Variants in NEGR1 observed in about 807,000 individuals in gnomAD.
NEGR1 encodes the protein IgLON family member 4.
Under a neutral mutation model 40.9 loss-of-function variants are expected in NEGR1, and 10 were observed. That is an observed-to-expected ratio of 0.24 (90% CI 0.15 to 0.42). NEGR1 has a LOEUF of 0.42. NEGR1 is among the 10% of genes least tolerant of loss of function. The pLI, the probability that NEGR1 is intolerant of heterozygous loss-of-function variation, is 1.00. For synonymous variants in NEGR1, 185 were observed against 166.8 expected, an observed-to-expected ratio of 1.11 and a Z score of -0.84; for missense variants, 352 against 438.9, an observed-to-expected ratio of 0.80 and a Z score of 1.77.
Position 71,629,881 on chromosome 1 carries a change from T to C in NEGR1, c.668-18735A>G, listed in dbSNP as rs549314595. ...GGTCTTGCAATGCTCATGTCATACA[T>C]AACTGATAAGTGATAAATACATTTG... is the stretch of plus-strand genomic sequence containing the variant. On this transcript the variant is annotated intron_variant, in intron 4 of 6. Transcript: ENST00000357731. Among the ~76,000 whole-genome samples the C allele has an allele frequency of 4.6e-5, 7 of 152,110 alleles. No individual in the cohort carries two copies. The South Asian group carries it at 1.2e-3, about 27-fold the overall frequency.
chr1:72,076,568 A>G (rs111799811), intron 1 of NEGR1, among the ~76,000 whole-genome samples: 2,326 of 130,660 alleles, frequency 0.018, 59 homozygotes, highest in African/African-American at 0.062. Flanking sequence ...TGGTGATGCT[A>G]TTCTCCGGCT....
chr1:71,869,273 A>G (rs1216015134), intron 2 of NEGR1, among the ~76,000 whole-genome samples: 3 of 152,222 alleles, frequency 2.0e-5, no homozygotes, highest in Non-Finnish European at 4.4e-5. Context: ...AACTAATACA[A>G]GTCCTCAAAA....
At chr1:71,970,115 G>A (rs1646243123) in intron 1 of NEGR1, among the ~76,000 whole-genome samples, 1 of 152,170 alleles carries the variant, frequency 6.6e-6, no homozygotes, top group Non-Finnish European at 1.5e-5. Flanking sequence ...CCTAGCAGAA[G>A]TGGCAAGGTG....
At chr1:71,927,429 T>C (rs537204683) in intron 2 of NEGR1, among the ~76,000 whole-genome samples, 3 of 152,242 alleles carry the variant, frequency 2.0e-5, no homozygotes, top group Admixed American at 6.5e-5. Context: ...TCTGAATTTG[T>C]CTGTGAAGGT....
intron 1 of NEGR1, among the ~76,000 whole-genome samples, chr1:72,091,257 T>C (rs1434580761): frequency 6.6e-6 from 1 of 152,218 alleles, no homozygotes; most frequent in African/African-American, 2.4e-5. Context: ...ATGCACATTA[T>C]ATATCTACAA....
At chr1:71,707,038 CGAA>C (rs1172147014) in intron 3 of NEGR1, among the ~76,000 whole-genome samples, 4 of 152,092 alleles carry the variant, frequency 2.6e-5, no homozygotes, top group Admixed American at 1.3e-4. Flanking sequence ...GATGCCCATC[CGAA>C]GAAGGAGGAT....
intron 2 of NEGR1, among the ~76,000 whole-genome samples, chr1:71,867,633 ATAGAC>A (rs1487516189): frequency 1.3e-5 from 2 of 152,314 alleles, no homozygotes; most frequent in East Asian, 3.9e-4. Flanking sequence ...GTACTATGAA[ATAGAC>A]TCCTGACCAA....
chr1:71,455,994 T>C (rs1646669802), intron 6 of NEGR1, among the ~76,000 whole-genome samples: 1 of 152,184 alleles, frequency 6.6e-6, no homozygotes, highest in African/African-American at 2.4e-5. Context: ...TAACATGCAC[T>C]TTTTCAACAA....
chr1:71,916,799 T>C (rs1661598652), intron 2 of NEGR1, among the ~76,000 whole-genome samples: 1 of 152,082 alleles, frequency 6.6e-6, no homozygotes, highest in South Asian at 2.1e-4. Context: ...CAGAGATCTT[T>C]CAATTCCAAG....
chr1:71,739,363 G>A (rs1655141004), intron 3 of NEGR1, among the ~76,000 whole-genome samples: 1 of 151,854 alleles, frequency 6.6e-6, no homozygotes, highest in Admixed American at 6.6e-5. Flanking sequence ...TCCTCAGCTT[G>A]CAAATGGCCT....
At chr1:72,079,652 G>A (rs1173775728) in intron 1 of NEGR1, among the ~76,000 whole-genome samples, 1 of 151,992 alleles carries the variant, frequency 6.6e-6, no homozygotes, top group East Asian at 1.9e-4. Flanking sequence ...ATTTTTAAAT[G>A]ATCAAAACTT....
chr1:71,539,607 TATACG>T (rs1212285689), intron 6 of NEGR1, among the ~76,000 whole-genome samples: 1 of 151,724 alleles, frequency 6.6e-6, no homozygotes, highest in African/African-American at 2.4e-5. Flanking sequence ...ACAGTGTTCC[TATACG>T]TATCTCTGTA....
intron 2 of NEGR1, among the ~76,000 whole-genome samples, chr1:71,897,527 CT>C (rs779480359): frequency 6.6e-6 from 1 of 152,116 alleles, no homozygotes; most frequent in Non-Finnish European, 1.5e-5. Flanking sequence ...TTCCTCAGGG[CT>C]TGTGACAAAT....
intron 1 of NEGR1, among the ~76,000 whole-genome samples, chr1:72,186,452 C>T (rs1652614716): frequency 6.6e-6 from 1 of 151,378 alleles, no homozygotes; most frequent in Non-Finnish European, 1.5e-5. Flanking sequence ...TAATGCATAC[C>T]ATAAGCCATT....
chr1:72,231,985 T>C (rs920504591), intron 1 of NEGR1, among the ~76,000 whole-genome samples: 1 of 152,126 alleles, frequency 6.6e-6, no homozygotes, highest in Non-Finnish European at 1.5e-5. Flanking sequence ...ATTTAGCTCA[T>C]ATGGGGACAT....
intron 6 of NEGR1, among the ~76,000 whole-genome samples, chr1:71,547,230 C>T (rs1000118940): frequency 2.0e-5 from 3 of 151,658 alleles, no homozygotes; most frequent in African/African-American, 7.3e-5. Context: ...TCTTTGAATC[C>T]GATTTTACTG....
chr1:71,799,451 G>A (rs535649169), intron 2 of NEGR1, among the ~76,000 whole-genome samples: 2 of 152,198 alleles, frequency 1.3e-5, no homozygotes, highest in South Asian at 2.1e-4. Context: ...ACATTGTTGG[G>A]CATTTGGGTT....
chr1:71,453,984 C>T (rs1646651847), intron 6 of NEGR1, among the ~76,000 whole-genome samples: 1 of 152,204 alleles, frequency 6.6e-6, no homozygotes, highest in Non-Finnish European at 1.5e-5. Flanking sequence ...TTTTTACCCA[C>T]AAACACTGGT....
intron 3 of NEGR1, among the ~76,000 whole-genome samples, chr1:71,728,718 G>A (rs1654757133): frequency 6.6e-6 from 1 of 152,156 alleles, no homozygotes; most frequent in Non-Finnish European, 1.5e-5. Context: ...GCCTCTCAGA[G>A]TTTTTAGCAC....
Sources: gnomAD v4.1 joint callset for allele counts (sites outside exome capture counted in the v4.1 genomes callset) on GRCh38, gnomAD v4.1.1 for gene constraint, MANE v1.5 for transcripts, NCBI Gene and HGNC (gene_info 2026-07-23, HGNC 2026-07-21) for gene names.